EPS15L1: variants seen among roughly 807,000 people sequenced by gnomAD.
EPS15L1 encodes the protein epidermal growth factor receptor substrate 15-like 1.
In EPS15L1, 43 loss-of-function variants were observed where a neutral mutation model predicts 117.1. The observed-to-expected ratio is 0.37, with a 90% CI of 0.29 to 0.47. EPS15L1 has a LOEUF of 0.47. EPS15L1 is among the 20% of genes least tolerant of loss of function. EPS15L1 has a pLI of 0.99. For missense variants in EPS15L1, 981 were observed against 1,164.0 expected, an observed-to-expected ratio of 0.84 and a Z score of 2.29; for synonymous variants, 459 against 470.5, an observed-to-expected ratio of 0.98 and a Z score of 0.32.
intron 22 of EPS15L1, among the ~76,000 whole-genome samples, chr19:16,367,377 G>T (rs2092148022): frequency 6.6e-6 from 1 of 151,666 alleles, no homozygotes; most frequent in African/African-American, 2.4e-5. Context: ...ACACAAAATA[G>T]AACTTATTTT....
intron 1 of EPS15L1, among the ~76,000 whole-genome samples, chr19:16,445,115 G>A (rs913036532): frequency 1.3e-5 from 2 of 152,176 alleles, no homozygotes; most frequent in African/African-American, 4.8e-5. Context: ...AGTCTTTGAG[G>A]CATGCAGGGT....
At chr19:16,432,587 T>TAAATAC (rs140220902) in intron 7 of EPS15L1, among the ~76,000 whole-genome samples, 290 of 145,478 alleles carry the variant, frequency 2.0e-3, no homozygotes, top group African/African-American at 4.8e-3. Context: ...AATAAATAAA[T>TAAATAC]AAATACAAAT....
At chr19:16,436,422 CCT>C (rs1404811386) in intron 6 of EPS15L1, among the ~76,000 whole-genome samples, 2 of 152,098 alleles carry the variant, frequency 1.3e-5, no homozygotes, top group African/African-American at 4.8e-5. Flanking sequence ...GCCACAACAT[CCT>C]CTGTTTTAAA....
At chr19:16,434,290 G>A in intron 7 of EPS15L1, 75 bp downstream of exon 7, 2 of 1,545,618 alleles carry the variant, frequency 1.3e-6, no homozygotes, top group Admixed American at 2.0e-5. Context: ...TAAGCACCAT[G>A]GGGAAAGAGA....
At chr19:16,436,870 T>C in intron 6 of EPS15L1, 67 bp downstream of exon 6, 2 of 1,292,332 alleles carry the variant, frequency 1.5e-6, no homozygotes, top group South Asian at 1.2e-5. Context: ...AGAACAATTC[T>C]AGAACAACTG....
intron 15 of EPS15L1, 31 bp downstream of exon 15, chr19:16,403,702 C>T: frequency 2.5e-6 from 4 of 1,599,514 alleles, no homozygotes; most frequent in South Asian, 2.2e-5. Flanking sequence ...TGGTCCCTGG[C>T]ATGTGGCAGG....
At chr19:16,386,744 G>A (rs1444653997) in intron 19 of EPS15L1, among the ~76,000 whole-genome samples, 3 of 152,222 alleles carry the variant, frequency 2.0e-5, no homozygotes, top group African/African-American at 7.2e-5. Flanking sequence ...GTCTCAGGCT[G>A]GCCTCTGCAC....
intron 17 of EPS15L1, 125 bp downstream of exon 17, chr19:16,395,219 A>G (rs1399464187): frequency 6.9e-6 from 6 of 872,878 alleles, no homozygotes; most frequent in South Asian, 2.1e-5. Context: ...AAAAAAAAAA[A>G]GGCATTCCTT....
At chr19:16,471,981 C>T (rs1460902716), upstream of EPS15L1, 18 of 1,261,756 alleles carry the variant, frequency 1.4e-5, no homozygotes, top group Non-Finnish European at 1.7e-5. This position sits in a 1 kb window ranked among gnomAD's most constrained non-coding sequence, Gnocchi z 4.8. Flanking sequence ...GCCGGGGGAA[C>T]GGGGGCGGGG....
chr19:16,393,690 T>C (rs573836334), intron 18 of EPS15L1, among the ~76,000 whole-genome samples: 1 of 149,094 alleles, frequency 6.7e-6, no homozygotes, highest in Admixed American at 6.7e-5. Flanking sequence ...AATAAATAAA[T>C]AAAATAAATA....
chr19:16,397,600 AC>A (rs2092553674), intron 16 of EPS15L1, among the ~76,000 whole-genome samples: 1 of 152,220 alleles, frequency 6.6e-6, no homozygotes, highest in East Asian at 1.9e-4. Flanking sequence ...GAGTTTTCAT[AC>A]CAAGAAACAT....
intron 16 of EPS15L1, chr19:16,401,246 T>C (rs1021983182): frequency 1.7e-4 from 170 of 985,268 alleles, no homozygotes; most frequent in Non-Finnish European, 2.0e-4. Context: ...TCGCCAGCAG[T>C]GCCTTCCCAG....
chr19:16,368,540 G>A (rs547264678), intron 22 of EPS15L1, among the ~76,000 whole-genome samples: 189 of 134,744 alleles, frequency 1.4e-3, no homozygotes, highest in African/African-American at 5.3e-3. Flanking sequence ...CACATCTCTC[G>A]TTCATCCTGC....
chr19:16,432,845 C>G (rs1389023553), intron 7 of EPS15L1, among the ~76,000 whole-genome samples: 1 of 152,196 alleles, frequency 6.6e-6, no homozygotes, highest in Non-Finnish European at 1.5e-5. Flanking sequence ...TCCGGTTGCC[C>G]TGGCTGGAGT....
chr19:16,411,726 G>T (rs767283656), intron 13 of EPS15L1, among the ~76,000 whole-genome samples: 5 of 152,152 alleles, frequency 3.3e-5, no homozygotes, highest in South Asian at 2.1e-4. Context: ...TTGAGGCAGG[G>T]TCTCACTCTG....
At chr19:16,355,880 T>C (rs757239390) in intron 23 of EPS15L1, 29 bp from the exon 24 acceptor site, 1 of 1,532,676 alleles carries the variant, frequency 6.5e-7, no homozygotes, top group South Asian at 1.2e-5. Context: ...GAGTGGGTGA[T>C]GTGGCCCTGG....
Position 16,404,779 on chromosome 19 carries a change from G to A in EPS15L1, c.1267-30C>T, listed in dbSNP as rs769942401. 6.2e-7 allele frequency: 1 copy of A among 1,610,456 alleles called. No homozygotes were observed. The highest frequency in any genetic ancestry group is 2.2e-5 in the East Asian group (1 of 44,810). On this transcript the variant is annotated intron_variant, in intron 13 of 23. Transcript: ENST00000455140. This position sits in a 1 kb window ranked among gnomAD's most constrained non-coding sequence, Gnocchi z 4.2. Reference sequence around the variant, plus strand: ...GGAGGAGTTGCAGGGGTTTACGTGAGGATGGGAAAAATGAAGCATGTCCAA... The same window carrying A: ...GGAGGAGTTGCAGGGGTTTACGTGAAGATGGGAAAAATGAAGCATGTCCAA...
At chr19:16,364,954 G>A (rs753037814) in intron 22 of EPS15L1, among the ~76,000 whole-genome samples, 1 of 152,240 alleles carries the variant, frequency 6.6e-6, no homozygotes, top group Non-Finnish European at 1.5e-5. Flanking sequence ...CTGCTTGAGG[G>A]CTTCTCCCGC....
chr19:16,388,046 T>C (rs1387551258), intron 19 of EPS15L1, among the ~76,000 whole-genome samples: 1 of 152,148 alleles, frequency 6.6e-6, no homozygotes, highest in Non-Finnish European at 1.5e-5. Flanking sequence ...TTACCAAATT[T>C]GTTTTGTTGT....
Sources: allele counts gnomAD v4.1 joint callset (sites outside exome capture counted in the v4.1 genomes callset), GRCh38; gene constraint gnomAD v4.1.1; non-coding constraint Gnocchi (gnomAD v3.1); transcripts MANE v1.5; gene names NCBI Gene and HGNC (gene_info 2026-07-23, HGNC 2026-07-21).